Variants in CHAF1A observed in about 807,000 individuals in gnomAD.
CHAF1A encodes CAF-1 subunit A.
A neutral mutation model predicts 93.2 loss-of-function variants in CHAF1A; 5 were observed. That is an observed-to-expected ratio of 0.05 (90% CI 0.03 to 0.11). The LOEUF is 0.11. Ranked by LOEUF, CHAF1A falls within the 10% of genes least tolerant of loss-of-function variation. The probability of loss-of-function intolerance (pLI) is 1.00; values close to 1 mark genes in which losing one functional copy is unlikely to be tolerated. For synonymous variants in CHAF1A, 504 were observed against 510.3 expected, an observed-to-expected ratio of 0.99 and a Z score of 0.17; for missense variants, 1,102 against 1,259.9, an observed-to-expected ratio of 0.87 and a Z score of 1.90.
intron 13 of CHAF1A, among the ~76,000 whole-genome samples, chr19:4,441,144 C>T (rs927397994): frequency 1.3e-5 from 2 of 152,014 alleles, no homozygotes; most frequent in Non-Finnish European, 2.9e-5. Flanking sequence ...TGGTGAAACC[C>T]CATCTCTACT....
chr19:4,424,392 CAT>C (rs1176660408), intron 7 of CHAF1A, among the ~76,000 whole-genome samples: 1 of 152,210 alleles, frequency 6.6e-6, no homozygotes, highest in Non-Finnish European at 1.5e-5. Context: ...TATTTATACA[CAT>C]GTGTACTTAG....
downstream of CHAF1A, chr19:4,447,949 C>A: frequency 2.0e-6 from 1 of 496,752 alleles, no homozygotes; most frequent in Non-Finnish European, 3.7e-6. Flanking sequence ...GCCGCAGTGC[C>A]AGCAGGGGGC....
At chr19:4,420,933 A>G (rs243363) in intron 4 of CHAF1A, among the ~76,000 whole-genome samples, 50,083 of 151,886 alleles carry the variant, frequency 0.33, 8,744 homozygotes, top group East Asian at 0.6. Context: ...GTGTGGTGAC[A>G]GGTGCCTGTG....
At chr19:4,448,099 C>G, downstream of CHAF1A, 1 of 588,298 alleles carries the variant, frequency 1.7e-6, no homozygotes. Flanking sequence ...ACCCCTGATT[C>G]CTTCAACACC....
intron 2 of CHAF1A, among the ~76,000 whole-genome samples, chr19:4,408,150 A>G (rs1164016181): frequency 6.8e-6 from 1 of 147,800 alleles, no homozygotes; most frequent in African/African-American, 2.5e-5. Flanking sequence ...GGGATTATAG[A>G]TGTAAGTCAG....
chr19:4,448,431 C>A, downstream of CHAF1A: 2 of 1,592,160 alleles, frequency 1.3e-6, no homozygotes, highest in Non-Finnish European at 1.7e-6. Flanking sequence ...AGGAGGGAAG[C>A]AGGGAAAGCC....
Position 4,422,499 on chromosome 19 carries a change from T to G in CHAF1A, c.1018-67T>G. The G allele has an allele frequency of 1.4e-6, 2 of 1,417,934 alleles. No individual in the cohort carries two copies. Among genetic ancestry groups the G allele is most frequent in the Non-Finnish European group, 1.9e-6 (2 of 1,028,680 alleles). 87.8% of individuals were successfully genotyped at this position (1,417,934 alleles called of 1,614,324 possible). On this transcript the variant is annotated intron_variant, in intron 4 of 14. Transcript: ENST00000301280. This position sits in a 1 kb window ranked among gnomAD's most constrained non-coding sequence, Gnocchi z 4.6. ...GTCCAGGCCGTGCTGTCCTCCATGC[T>G]GTGAACCGAGCTTCCTCCTGGGAGT... is the stretch of plus-strand genomic sequence containing the variant.
intron 1 of CHAF1A, among the ~76,000 whole-genome samples, chr19:4,404,878 T>C (rs1302348006): frequency 6.6e-6 from 1 of 152,146 alleles, no homozygotes; most frequent in East Asian, 1.9e-4. Flanking sequence ...CAGGAAAATA[T>C]TTTGTCTTAT....
rs200473985 is a variant in CHAF1A at position 4,409,756 on chromosome 19, C to A, written c.957C>A (p.Arg319=). Residue 319 remains arginine (R), a synonymous_variant, in exon 3 of 15, where the codon CGC becomes CGA. Coordinates refer to ENST00000301280, the MANE Select transcript of CHAF1A (RefSeq NM_005483.3). ...TSPFPTSTPL[R]RITKKFVKGS... ...CCTTCCCCACCTCCACGCCCCTCCGCAGAGTGAGTATCTCCCATGGAGTCC... is the reference window on the plus strand; with the variant it reads ...CCTTCCCCACCTCCACGCCCCTCCGAAGAGTGAGTATCTCCCATGGAGTCC... The A allele has an allele frequency of 6.2e-7, 1 of 1,606,306 alleles. No homozygotes were observed. The highest frequency in any genetic ancestry group is 1.7e-5 in the Admixed American group (1 of 59,628).
chr19:4,429,074 G>C (rs1053286178), intron 8 of CHAF1A, 184 bp downstream of exon 8: 3 of 604,200 alleles, frequency 5.0e-6, no homozygotes, highest in Non-Finnish European at 8.8e-6. Context: ...AGCTCCTGAA[G>C]TCTTCCTCTC....
downstream of CHAF1A, chr19:4,446,642 G>A: frequency 1.9e-6 from 3 of 1,612,578 alleles, no homozygotes; most frequent in South Asian, 3.3e-5. Flanking sequence ...GCAGCCAGCA[G>A]CTGTTCCTTG....
chr19:4,446,388 C>T (rs375533590), downstream of CHAF1A: 78 of 1,576,906 alleles, frequency 4.9e-5, no homozygotes, highest in East Asian at 3.0e-4. Flanking sequence ...GTCCGCAGCA[C>T]GCTCAGCCGC....
chr19:4,411,644 C>CTTTTTTTTT lies in CHAF1A; in HGVS notation c.960+1898_960+1906dup, dbSNP rs66491258. On this transcript the variant is annotated intron_variant, in intron 3 of 14. Coordinates refer to ENST00000301280, the MANE Select transcript of CHAF1A (RefSeq NM_005483.3). ...GAAATGTTGTAAAAATGGTGCAAAT[C>CTTTTTTTTT]TTTTTTTTTTTTTTTTTTTTTGAGA... Among the ~76,000 whole-genome samples the CTTTTTTTTT allele has an allele frequency of 3.7e-3, 177 of 48,172 alleles. 47 individuals are homozygous for CTTTTTTTTT. Among genetic ancestry groups the CTTTTTTTTT allele is most frequent in the African/African-American group, 0.012 (149 of 12,628 alleles). The allele number at this position is 48,172 out of a possible 152,430, so 31.6% of individuals were successfully genotyped here.
intron 4 of CHAF1A, among the ~76,000 whole-genome samples, chr19:4,421,212 T>G (rs913904466): frequency 2.6e-5 from 4 of 152,012 alleles, no homozygotes; most frequent in African/African-American, 9.7e-5. Context: ...GCTGGGACTA[T>G]AGGTGTGCGC....
At chr19:4,424,492 G>T (rs1278763788) in intron 7 of CHAF1A, among the ~76,000 whole-genome samples, 1 of 152,132 alleles carries the variant, frequency 6.6e-6, no homozygotes, top group African/African-American at 2.4e-5. Flanking sequence ...TTGAGGCAGG[G>T]TCTCACTGTC....
At chr19:4,410,417 A>G (rs867348954) in intron 3 of CHAF1A, among the ~76,000 whole-genome samples, 21 of 145,168 alleles carry the variant, frequency 1.4e-4, no homozygotes, top group South Asian at 4.3e-4. Flanking sequence ...GAGTCACTCT[A>G]TCACCCAGGC....
At chr19:4,445,126 G>A, downstream of CHAF1A, 1 of 247,236 alleles carries the variant, frequency 4.0e-6, no homozygotes, top group Non-Finnish European at 8.0e-6. Context: ...CTAGTGCCAG[G>A]TGCAGCCACT....
In CHAF1A at chr19:4,422,700, G is replaced by A; in HGVS notation, c.1152G>A (p.Lys384=). 6.2e-7 allele frequency: 1 copy of A among 1,601,868 alleles called. No homozygotes were observed. The highest frequency in any genetic ancestry group is 1.7e-4 in the Middle Eastern group (1 of 5,754). The change falls in exon 5 of 15, where the codon AAG becomes AAA. Residue 384 remains lysine (K), a synonymous_variant. Transcript: ENST00000301280. This position sits in a 1 kb window ranked among gnomAD's most constrained non-coding sequence, Gnocchi z 4.6. The stretch of plus-strand genomic sequence containing the variant: ...AGGAAGAGAAGGAGCTTAAGGAAAA[G>A]GAGAGGCGGGAGAAGCGGGAGAAGG... The part of the protein sequence containing the change: ...KKEEEKELKE[K]ERREKREKDE...
chr19:4,445,861 G>T, downstream of CHAF1A: 1 of 1,075,514 alleles, frequency 9.3e-7, no homozygotes, highest in Non-Finnish European at 1.3e-6. Context: ...AAACTGAGGC[G>T]TGGAGTAGTT....
Sources: gnomAD v4.1 joint callset for allele counts (sites outside exome capture counted in the v4.1 genomes callset) on GRCh38, gnomAD v4.1.1 for gene constraint, Gnocchi (gnomAD v3.1) non-coding constraint, MANE v1.5 for transcripts, NCBI Gene and HGNC (gene_info 2026-07-23, HGNC 2026-07-21) for gene names.